Variants in SLC9A8 observed in about 807,000 individuals in gnomAD.
SLC9A8 encodes the protein solute carrier family 9 member A8, also known as sodium/hydrogen exchanger 8.
Under a neutral mutation model 66.6 loss-of-function variants are expected in SLC9A8, and 48 were observed. That is an observed-to-expected ratio of 0.72 (90% CI 0.57 to 0.92). SLC9A8 has a LOEUF of 0.92. Among genes scored for constraint, SLC9A8 ranks in the 40% least tolerant of loss-of-function variants. The pLI is 0.00. For synonymous variants in SLC9A8, 274 were observed against 282.6 expected, an observed-to-expected ratio of 0.97 and a Z score of 0.31; for missense variants, 599 against 747.3, an observed-to-expected ratio of 0.80 and a Z score of 2.31.
At chr20:49,874,272 AGG>A (rs1221266815) in intron 10 of SLC9A8, among the ~76,000 whole-genome samples, 64 of 151,916 alleles carry the variant, frequency 4.2e-4, no homozygotes, top group Non-Finnish European at 3.8e-4. Context: ...CCCAAAAAAA[AGG>A]GTGGGGGGGT....
At chr20:49,827,062 C>G (rs2086940031) in intron 3 of SLC9A8, among the ~76,000 whole-genome samples, 1 of 151,802 alleles carries the variant, frequency 6.6e-6, no homozygotes, top group South Asian at 2.1e-4. Flanking sequence ...CTGCCTCAGC[C>G]TCCTGAGTAG....
chr20:49,872,349 A>C (rs1477396434), intron 10 of SLC9A8, among the ~76,000 whole-genome samples: 1 of 152,002 alleles, frequency 6.6e-6, no homozygotes, highest in Non-Finnish European at 1.5e-5. Context: ...GCCAGCCCAT[A>C]CCTGCTGGGG....
chr20:49,832,377 G>A (rs2087242008), intron 3 of SLC9A8, among the ~76,000 whole-genome samples: 1 of 152,136 alleles, frequency 6.6e-6, no homozygotes, highest in African/African-American at 2.4e-5. Flanking sequence ...TGACCCTCTG[G>A]GGTGGGTCTG....
chr20:49,856,501 A>G (rs1226106366), intron 8 of SLC9A8, among the ~76,000 whole-genome samples: 1 of 152,156 alleles, frequency 6.6e-6, no homozygotes, highest in Non-Finnish European at 1.5e-5. Flanking sequence ...GGATCTGAGA[A>G]GTTAAAGATG....
At position 49,863,000 on chromosome 20, in the gene SLC9A8, A is replaced by C. The variant is rs2088811352; in HGVS notation, c.785A>C (p.Asp262Ala). Reference sequence around the variant, plus strand: ...TGGCAAACATTTTTACAAGCCCTTGACTACTTCCTCAAAATGTTCTTTGGC... The same window carrying C: ...TGGCAAACATTTTTACAAGCCCTTGCCTACTTCCTCAAAATGTTCTTTGGC... Reference protein sequence around the residue: ...SGWQTFLQALDYFLKMFFGSA... With the variant: ...SGWQTFLQALAYFLKMFFGSA... The change falls in exon 9 of 16, where the codon GAC (aspartate) becomes GCC (alanine). Residue 262 changes from aspartate to alanine, a missense_variant. Transcript: ENST00000361573. 9 of 1,613,798 alleles carry C rather than the reference A, an allele frequency of 5.6e-6. No individual in the cohort carries two copies. Among genetic ancestry groups the C allele is most frequent in the Non-Finnish European group, 7.6e-6 (9 of 1,179,782 alleles).
At chr20:49,884,103 C>T (rs781495535) in intron 14 of SLC9A8, 37 bp downstream of exon 14, 6 of 1,582,142 alleles carry the variant, frequency 3.8e-6, no homozygotes, top group Non-Finnish European at 4.3e-6. Flanking sequence ...GGGCAGGGGG[C>T]TGGCCTGCTA....
intron 11 of SLC9A8, among the ~76,000 whole-genome samples, chr20:49,875,750 T>C (rs2089402140): frequency 6.6e-6 from 1 of 151,964 alleles, no homozygotes; most frequent in Non-Finnish European, 1.5e-5. Flanking sequence ...TCTTTTTTTT[T>C]TTGAGATGGA....
intron 2 of SLC9A8, 78 bp from the exon 3 acceptor site, chr20:49,822,983 C>T: frequency 1.7e-6 from 2 of 1,192,156 alleles, no homozygotes; most frequent in Non-Finnish European, 2.5e-6. Flanking sequence ...CCAGAAATAA[C>T]CACTGACTTG....
intron 10 of SLC9A8, among the ~76,000 whole-genome samples, chr20:49,870,304 A>C (rs2089163847): frequency 6.6e-6 from 1 of 152,242 alleles, no homozygotes; most frequent in East Asian, 1.9e-4. Context: ...CAAGAAGAGA[A>C]ATTAAAGCCA....
chr20:49,831,246 C>G (rs187505578), intron 3 of SLC9A8, among the ~76,000 whole-genome samples: 1 of 152,290 alleles, frequency 6.6e-6, no homozygotes, highest in African/African-American at 2.4e-5. Context: ...CACAGCAGCA[C>G]CCTTCCTTTG....
chr20:49,818,100 C>G (rs1268640818), intron 2 of SLC9A8, among the ~76,000 whole-genome samples: 2 of 151,924 alleles, frequency 1.3e-5, no homozygotes, highest in Non-Finnish European at 2.9e-5. Flanking sequence ...TTTAAAGTAA[C>G]TTCCAGGGCG....
chr20:49,886,741 T>C lies in SLC9A8; in HGVS notation c.1492-11T>C. On this transcript the variant is annotated splice_polypyrimidine_tract_variant and intron_variant, in intron 14 of 15. Transcript: ENST00000361573. The surrounding 1 kb of genome is among the most constrained non-coding windows in gnomAD (Gnocchi z 4.8). ...CTGGTGGCCGTCGGGCCGCCTTTCC[T>C]CCCTGCTCAGGGCAACACTGTGGAG... The C allele has an allele frequency of 1.2e-6, 2 of 1,611,064 alleles. No individual in the cohort carries two copies. Among genetic ancestry groups the C allele is most frequent in the Non-Finnish European group, 8.5e-7 (1 of 1,178,640 alleles).
chr20:49,824,002 T>G (rs1383803322), intron 3 of SLC9A8, among the ~76,000 whole-genome samples: 1 of 152,200 alleles, frequency 6.6e-6, no homozygotes, highest in South Asian at 2.1e-4. Flanking sequence ...TTGTTTAGAT[T>G]AGCTTTGGAA....
Position 49,823,006 on chromosome 20 carries a change from A to G in SLC9A8, c.209-55A>G, listed in dbSNP as rs1238717266. The G allele has an allele frequency of 3.5e-6, 5 of 1,422,080 alleles. No individual in the cohort carries two copies. In the African/African-American group the frequency reaches 7.0e-5, roughly 20 times the overall value. 88.1% of individuals were successfully genotyped at this position (1,422,080 alleles called of 1,614,324 possible). On this transcript the variant is annotated intron_variant, in intron 2 of 15. Coordinates refer to ENST00000361573, the MANE Select transcript of SLC9A8 (RefSeq NM_015266.3). Reference sequence around the variant, plus strand: ...AACCACTGACTTGAACTTGGTGTTTATCATTCAGAATTGAGTGTTTTTTTT... The same window carrying G: ...AACCACTGACTTGAACTTGGTGTTTGTCATTCAGAATTGAGTGTTTTTTTT...
chr20:49,865,077 G>A (rs977618244), intron 10 of SLC9A8, among the ~76,000 whole-genome samples: 14 of 152,170 alleles, frequency 9.2e-5, no homozygotes, highest in African/African-American at 3.4e-4. Context: ...CTCTTAACCC[G>A]CCTTCTCTCA....
chr20:49,834,167 CTCTCTCTCTCTCTCTCTCTA>C (rs1274498178), intron 3 of SLC9A8, among the ~76,000 whole-genome samples: 15 of 57,790 alleles, frequency 2.6e-4, no homozygotes, highest in East Asian at 1.0e-3. Context: ...CTCTCTCTCT[CTCTCTCTCTCTCTCTCTCTA>C]TATATATATA....
intron 6 of SLC9A8, 126 bp downstream of exon 6, chr20:49,849,806 G>A (rs2088173644): frequency 1.4e-6 from 1 of 735,408 alleles, no homozygotes; most frequent in Non-Finnish European, 2.3e-6. Context: ...AATTCCTTCT[G>A]GAAGGAAATC....
At chr20:49,816,361 G>A (rs1048348952) in intron 2 of SLC9A8, among the ~76,000 whole-genome samples, 1 of 151,852 alleles carries the variant, frequency 6.6e-6, no homozygotes, top group African/African-American at 2.4e-5. Flanking sequence ...CGGAGGCTGC[G>A]GTGAGCCAAG....
intron 12 of SLC9A8, among the ~76,000 whole-genome samples, chr20:49,880,712 A>G (rs757403435): frequency 5.9e-5 from 9 of 152,218 alleles, no homozygotes; most frequent in Non-Finnish European, 4.4e-5. Context: ...ACAAAGCTTT[A>G]TCCTTTCCTA....
Sources: gnomAD v4.1 joint callset for allele counts (sites outside exome capture counted in the v4.1 genomes callset) on GRCh38, gnomAD v4.1.1 for gene constraint, Gnocchi (gnomAD v3.1) non-coding constraint, MANE v1.5 for transcripts, NCBI Gene and HGNC (gene_info 2026-07-23, HGNC 2026-07-21) for gene names.